Variants in ENOX1 observed in about 807,000 individuals in gnomAD.
The protein encoded by ENOX1 is candidate growth-related and time keeping constitutive hydroquinone (NADH) oxidase.
Under a neutral mutation model 82.5 loss-of-function variants are expected in ENOX1, and 42 were observed. The observed-to-expected ratio is 0.51, with a 90% confidence interval of 0.40 to 0.66. The LOEUF is 0.66. Among genes scored for constraint, ENOX1 ranks in the 30% least tolerant of loss-of-function variants. The pLI, the probability that ENOX1 is intolerant of heterozygous loss-of-function variation, is 0.00. For missense variants in ENOX1, 608 were observed against 811.6 expected (o/e 0.75, Z 3.05); for synonymous variants, 271 against 282.2 (o/e 0.96, Z 0.40).
chr13:43,596,081 C>T (rs908107045), intron 2 of ENOX1, among the ~76,000 whole-genome samples: 1 of 152,192 alleles, frequency 6.6e-6, no homozygotes, highest in Non-Finnish European at 1.5e-5. Context: ...CACTTGCTTA[C>T]TCCCAGCTAA....
intron 3 of ENOX1, among the ~76,000 whole-genome samples, chr13:43,455,451 G>C (rs2153633822): frequency 6.6e-6 from 1 of 152,036 alleles, no homozygotes; most frequent in South Asian, 2.1e-4. Flanking sequence ...GGCACTTTAT[G>C]GTCTCTGAAA....
In ENOX1 at chr13:43,704,709, G is replaced by A. The variant is rs745942783; in HGVS notation, c.-284-37165C>T. 4.2e-4 allele frequency among the ~76,000 whole-genome samples: 64 copies of A among 152,220 alleles called. 1 individual carries two copies. The highest frequency in any genetic ancestry group is 6.0e-4 in the Non-Finnish European group (41 of 68,012). ...CCTTGGCTGATCACTTAAATTGTAC[G>A]TACATGCATGCATGGGGCAAGACTC... On this transcript the variant is annotated intron_variant, in intron 1 of 16. Transcript: ENST00000690772.
At chr13:43,351,912 C>A (rs1168310415) in intron 8 of ENOX1, among the ~76,000 whole-genome samples, 1 of 152,092 alleles carries the variant, frequency 6.6e-6, no homozygotes, top group Non-Finnish European at 1.5e-5. Context: ...CCTATCTTGC[C>A]TCTATGAAGG....
rs139986897 is a variant in ENOX1 at position 43,768,860 on chromosome 13, C to A, written c.-285+17792G>T. 2.8e-3 allele frequency among the ~76,000 whole-genome samples: 431 copies of A among 152,322 alleles called. 3 individuals are homozygous for A. Among genetic ancestry groups the A allele is most frequent in the African/African-American group, 1.0e-2 (415 of 41,580 alleles). On this transcript the variant is annotated intron_variant, in intron 1 of 16. Transcript: ENST00000690772. ...CCTCGTTGTCTGCCTAGGTCACAAACCTTACTTGGGCCATTTACACTTTCA... is the reference window on the plus strand; with the variant it reads ...CCTCGTTGTCTGCCTAGGTCACAAAACTTACTTGGGCCATTTACACTTTCA...
chr13:43,646,868 T>C (rs1249666900), intron 2 of ENOX1, among the ~76,000 whole-genome samples: 1 of 152,224 alleles, frequency 6.6e-6, no homozygotes, highest in Non-Finnish European at 1.5e-5. Context: ...ATAATCGTTT[T>C]ATCCTTCTCC....
At chr13:43,218,374 C>T (rs769052392) in intron 16 of ENOX1, among the ~76,000 whole-genome samples, 16 of 152,182 alleles carry the variant, frequency 1.1e-4, no homozygotes, top group Non-Finnish European at 1.3e-4. Context: ...CACTTATAAT[C>T]CCAGCACTTT....
intron 2 of ENOX1, among the ~76,000 whole-genome samples, chr13:43,565,100 A>G (rs959858088): frequency 6.6e-6 from 1 of 152,296 alleles, no homozygotes; most frequent in Non-Finnish European, 1.5e-5. Context: ...GAGACAGTGG[A>G]AAGAGCAATA....
chr13:43,661,200 T>C (rs2084704926), intron 2 of ENOX1, among the ~76,000 whole-genome samples: 1 of 152,220 alleles, frequency 6.6e-6, no homozygotes, highest in South Asian at 2.1e-4. Flanking sequence ...AATAATTGTC[T>C]TTATAGCACA....
At chr13:43,449,509 GA>G (rs1410782108) in intron 3 of ENOX1, among the ~76,000 whole-genome samples, 1 of 152,126 alleles carries the variant, frequency 6.6e-6, no homozygotes, top group African/African-American at 2.4e-5. Flanking sequence ...ACAATCAATA[GA>G]AAGTTTCCTT....
intron 1 of ENOX1, among the ~76,000 whole-genome samples, chr13:43,738,363 C>T (rs1258640656): frequency 6.6e-6 from 1 of 152,062 alleles, no homozygotes; most frequent in Admixed American, 6.6e-5. Context: ...AAGAAAATAA[C>T]ATATTATATT....
chr13:43,316,605 G>A (rs1290498650), intron 11 of ENOX1, among the ~76,000 whole-genome samples: 2 of 141,146 alleles, frequency 1.4e-5, no homozygotes, highest in African/African-American at 5.2e-5. Context: ...CTGTTTTCCT[G>A]CATTTAAAAG....
intron 1 of ENOX1, among the ~76,000 whole-genome samples, chr13:43,709,435 G>A (rs2087539103): frequency 6.6e-6 from 1 of 152,026 alleles, no homozygotes; most frequent in Admixed American, 6.6e-5. Flanking sequence ...ATAATTTTAA[G>A]TACATTTTTA....
At chr13:43,775,210 A>G (rs1594766154) in intron 1 of ENOX1, among the ~76,000 whole-genome samples, 1 of 152,138 alleles carries the variant, frequency 6.6e-6, no homozygotes, top group African/African-American at 2.4e-5. Context: ...GTATAATGGC[A>G]TGATCATAGC....
At chr13:43,553,609 T>A (rs2079302485) in intron 2 of ENOX1, among the ~76,000 whole-genome samples, 1 of 152,206 alleles carries the variant, frequency 6.6e-6, no homozygotes, top group African/African-American at 2.4e-5. Context: ...TTAAAGGAAG[T>A]GCAGGATAAT....
At chr13:43,623,963 T>C (rs2153747533) in intron 2 of ENOX1, among the ~76,000 whole-genome samples, 1 of 152,328 alleles carries the variant, frequency 6.6e-6, no homozygotes, top group African/African-American at 2.4e-5. Flanking sequence ...CCATTATTGG[T>C]CTGTATGATA....
chr13:43,704,431 G>A (rs766828223), intron 1 of ENOX1, among the ~76,000 whole-genome samples: 3 of 151,868 alleles, frequency 2.0e-5, no homozygotes, highest in Non-Finnish European at 4.4e-5. Flanking sequence ...GGCACTGAAG[G>A]GAAACCAAAT....
intron 11 of ENOX1, among the ~76,000 whole-genome samples, chr13:43,320,467 G>A (rs1485316915): frequency 6.6e-6 from 1 of 152,086 alleles, no homozygotes; most frequent in African/African-American, 2.4e-5. Context: ...AGAGGTGTCG[G>A]GGGATCACAT....
chr13:43,244,034 C>T (rs2042965165), intron 14 of ENOX1, among the ~76,000 whole-genome samples: 1 of 151,530 alleles, frequency 6.6e-6, no homozygotes, highest in Non-Finnish European at 1.5e-5. Flanking sequence ...TATTTGTTTC[C>T]TCCACAAAAC....
intron 12 of ENOX1, among the ~76,000 whole-genome samples, chr13:43,291,642 C>G (rs900485288): frequency 1.3e-5 from 2 of 152,148 alleles, no homozygotes; most frequent in South Asian, 2.1e-4. Context: ...TCCCACTGCA[C>G]CACTTCCCCC....
Sources: allele counts gnomAD v4.1 joint callset (sites outside exome capture counted in the v4.1 genomes callset), GRCh38; gene constraint gnomAD v4.1.1; transcripts MANE v1.5; gene names NCBI Gene and HGNC (gene_info 2026-07-23, HGNC 2026-07-21).